Variants in ROPN1L observed in about 807,000 individuals in gnomAD.
ROPN1L encodes the protein ropporin-1-like protein.
A neutral mutation model predicts 22.7 loss-of-function variants in ROPN1L; 23 were observed. The observed-to-expected ratio is 1.01, with a 90% CI of 0.73 to 1.43. The LOEUF (loss-of-function observed/expected upper bound fraction) is 1.43. ROPN1L is among the 40% of genes most tolerant of loss of function. The probability of loss-of-function intolerance (pLI) is 0.00; values close to 1 mark genes in which losing one functional copy is unlikely to be tolerated. For missense variants in ROPN1L, 271 were observed against 291.5 expected, an observed-to-expected ratio of 0.93 and a Z score of 0.51; for synonymous variants, 116 against 117.8, an observed-to-expected ratio of 0.98 and a Z score of 0.10.
Position 10,457,418 on chromosome 5 carries a change from C to T in ROPN1L, c.418-3766C>T, listed in dbSNP as rs183381020. 2.6e-5 allele frequency among the ~76,000 whole-genome samples: 4 copies of T among 152,290 alleles called. No homozygotes were observed. The East Asian group carries it at 5.8e-4, about 22-fold the overall frequency. On this transcript the variant is annotated intron_variant, in intron 3 of 4. Transcript: ENST00000274134. Reference sequence around the variant, plus strand: ...TGCCCCAGGTCTTGTTCCCAGAGCCCGCCTGGCGGCTGCTAGACATAATAA... The same window carrying T: ...TGCCCCAGGTCTTGTTCCCAGAGCCTGCCTGGCGGCTGCTAGACATAATAA...
At chr5:10,479,805 G>A in the ROPN1L span, among the ~76,000 whole-genome samples, 3 of 152,112 alleles carry the variant, frequency 2.0e-5, no homozygotes, top group Admixed American at 2.0e-4. Flanking sequence ...GAGTGCAATG[G>A]CACGATCTCG....
chr5:10,446,625 C>T (rs1237011256), intron 1 of ROPN1L, among the ~76,000 whole-genome samples: 1 of 150,982 alleles, frequency 6.6e-6, no homozygotes, highest in Non-Finnish European at 1.5e-5. Context: ...GGCGCTACTG[C>T]ACTCCAGCCT....
chr5:10,450,656 C>T, intron 3 of ROPN1L, among the ~76,000 whole-genome samples: 1 of 152,174 alleles, frequency 6.6e-6, no homozygotes, highest in Non-Finnish European at 1.5e-5. Context: ...AGGCATGTGC[C>T]ACCATGCCTG....
intron 3 of ROPN1L, among the ~76,000 whole-genome samples, chr5:10,457,956 C>G (rs1475887020): frequency 6.6e-6 from 1 of 152,096 alleles, no homozygotes; most frequent in African/African-American, 2.4e-5. Context: ...AGTCTGCCCT[C>G]ACACCCCACC....
chr5:10,476,848 C>T (rs775065415), downstream of ROPN1L, among the ~76,000 whole-genome samples: 1 of 152,194 alleles, frequency 6.6e-6, no homozygotes, highest in Non-Finnish European at 1.5e-5. Flanking sequence ...TTTAAAGAGA[C>T]GAAATGGAGG....
chr5:10,469,406 G>A (rs1735211514), downstream of ROPN1L, among the ~76,000 whole-genome samples: 1 of 151,948 alleles, frequency 6.6e-6, no homozygotes, highest in African/African-American at 2.4e-5. Flanking sequence ...AGGATAGCTT[G>A]AGCCCAGGAA....
Position 10,449,389 on chromosome 5 carries a change from C to T in ROPN1L, c.256-563C>T, listed in dbSNP as rs537535395. On this transcript the variant is annotated intron_variant, in intron 2 of 4. Transcript: ENST00000274134. ...CAAAACTTAACAGGGCGTGGTGGTG[C>T]GCACCTGTAATCCCAGCTACTTGGG... 6.6e-5 allele frequency among the ~76,000 whole-genome samples: 10 copies of T among 152,152 alleles called. No homozygotes were observed. In the South Asian group the frequency reaches 1.9e-3, roughly 28 times the overall value.
intron 3 of ROPN1L, among the ~76,000 whole-genome samples, chr5:10,454,698 G>T (rs1037267159): frequency 2.6e-5 from 4 of 152,212 alleles, no homozygotes; most frequent in Non-Finnish European, 5.9e-5. Context: ...AGATGCACAC[G>T]TGTCTAACGC....
In ROPN1L at chr5:10,461,332, C is replaced by G; in HGVS notation, c.566C>G (p.Ser189Cys). 6.2e-7 allele frequency: 1 copy of G among 1,614,002 alleles called. No homozygotes were observed. ...GATGTGTCTCCCTTGGAGACGGAAT[C>G]CTACCTTGCCTCTCTAAAGGAAAAT... is the stretch of plus-strand genomic sequence containing the variant. Reference protein sequence around the residue: ...DSDVSPLETESYLASLKENID... With the variant: ...DSDVSPLETECYLASLKENID... The change falls in exon 4 of 5, where the codon TCC becomes TGC. Residue 189 changes from serine to cysteine, a missense_variant. By Grantham distance (112) the Ser-to-Cys change is moderately radical. Transcript: ENST00000274134.
At chr5:10,461,934 C>G (rs186504840) in intron 4 of ROPN1L, among the ~76,000 whole-genome samples, 30 of 152,318 alleles carry the variant, frequency 2.0e-4, no homozygotes, top group Admixed American at 1.4e-3. Flanking sequence ...CCTCCCTGCC[C>G]GCAAATGAGC....
downstream of ROPN1L, among the ~76,000 whole-genome samples, chr5:10,474,458 C>T (rs184208774): frequency 4.2e-3 from 639 of 152,346 alleles, 4 homozygotes; most frequent in Middle Eastern, 6.8e-3. Flanking sequence ...GCACCAGGTG[C>T]TGAGGACATG....
intron 1 of ROPN1L, among the ~76,000 whole-genome samples, chr5:10,444,485 T>A (rs529967755): frequency 2.6e-3 from 388 of 150,728 alleles, no homozygotes; most frequent in Non-Finnish European, 3.8e-3. Context: ...GAGATGGGGT[T>A]TCACCATGTT....
rs377675010 is a variant in ROPN1L, at chr5:10,460,117, C to T, written c.418-1067C>T. Among the ~76,000 whole-genome samples, 207 of 152,272 alleles carry T rather than the reference C, an allele frequency of 1.4e-3. 8 individuals carry two copies. The South Asian group carries it at 0.04, about 30-fold the overall frequency. ...ATAGGCCAGCTGCGGAATTAGGACA[C>T]CTGCCCCCACAGCTTACCCTGGCCA... On this transcript the variant is annotated intron_variant, in intron 3 of 4. Transcript: ENST00000274134.
chr5:10,461,649 C>A (rs142362827), intron 4 of ROPN1L: 27 of 264,012 alleles, frequency 1.0e-4, no homozygotes, highest in African/African-American at 5.3e-4. Context: ...AGACTGCCCC[C>A]ACCCTGCCCC....
At chr5:10,458,264 G>A (rs1734890368) in intron 3 of ROPN1L, among the ~76,000 whole-genome samples, 1 of 151,838 alleles carries the variant, frequency 6.6e-6, no homozygotes, top group South Asian at 2.1e-4. Context: ...TCACTCACCA[G>A]CAGCCTCCCT....
intron 3 of ROPN1L, among the ~76,000 whole-genome samples, chr5:10,458,997 G>A (rs1035020315): frequency 1.6e-4 from 19 of 119,348 alleles, no homozygotes; most frequent in Non-Finnish European, 2.9e-4. Flanking sequence ...ACCCCATCTC[G>A]CCCATGCTCC....
intron 3 of ROPN1L, among the ~76,000 whole-genome samples, chr5:10,456,760 C>T (rs1741433186): frequency 6.6e-6 from 1 of 152,188 alleles, no homozygotes; most frequent in East Asian, 1.9e-4. Flanking sequence ...ATCTTATTGT[C>T]AGAAACGTTG....
At chr5:10,455,854 CCAGTGCTGGGTCAGAGGCA>C (rs1741405032) in intron 3 of ROPN1L, among the ~76,000 whole-genome samples, 1 of 152,232 alleles carries the variant, frequency 6.6e-6, no homozygotes, top group African/African-American at 2.4e-5. Flanking sequence ...CTTTTAAAAA[CCAGTGCTGGGTCAGAGGCA>C]CAGCTTCACT....
At chr5:10,473,751 G>A (rs931387682), downstream of ROPN1L, among the ~76,000 whole-genome samples, 9 of 152,194 alleles carry the variant, frequency 5.9e-5, no homozygotes, top group African/African-American at 2.2e-4. Flanking sequence ...GGAATCAAGA[G>A]GTTGGGGAGA....
Sources: allele counts gnomAD v4.1 joint callset (sites outside exome capture counted in the v4.1 genomes callset), GRCh38; gene constraint gnomAD v4.1.1; transcripts MANE v1.5; gene names NCBI Gene and HGNC (gene_info 2026-07-23, HGNC 2026-07-21).